Variants in RBSN observed in about 807,000 individuals in gnomAD.
RBSN encodes rabenosyn, RAB effector, also known as rabenosyn-5.
In RBSN, 34 loss-of-function variants were observed where a neutral mutation model predicts 60.5. The ratio of observed to expected loss-of-function variants is 0.56; its 90% confidence interval spans 0.43 to 0.75. RBSN has a LOEUF of 0.75. RBSN is among the 30% of genes least tolerant of loss of function. RBSN has a pLI of 0.00. For synonymous variants in RBSN, 322 were observed against 366.9 expected (o/e 0.88, Z 1.40); for missense variants, 845 against 986.8 (o/e 0.86, Z 1.92).
chr3:15,080,237 C>A (rs1003559075), intron 10 of RBSN, among the ~76,000 whole-genome samples: 1 of 150,712 alleles, frequency 6.6e-6, no homozygotes, highest in Non-Finnish European at 1.5e-5. Flanking sequence ...GAGTGAGACT[C>A]CGTCTCGGAA....
rs954323757 is a variant in RBSN, at chr3:15,074,984, C to G, written c.1207-54G>C. 18 of 1,541,182 alleles carry G rather than the reference C, an allele frequency of 1.2e-5. No homozygotes were observed. The highest frequency in any genetic ancestry group is 1.6e-5 in the Non-Finnish European group (18 of 1,148,478). ...AACAGTCACTATGCTGGCAGCAGCC[C>G]ACACTGTCACCCACCCTCTGTTGTC... is the stretch of plus-strand genomic sequence containing the variant. On this transcript the variant is annotated intron_variant, in intron 13 of 13. Transcript: ENST00000253699. The surrounding 1 kb of genome is among the most constrained non-coding windows in gnomAD (Gnocchi z 6.4).
At chr3:15,080,524 T>C (rs573140364) in intron 10 of RBSN, among the ~76,000 whole-genome samples, 4 of 152,206 alleles carry the variant, frequency 2.6e-5, no homozygotes, top group Admixed American at 2.6e-4. Flanking sequence ...TACAAGCTCA[T>C]GTGATGGTAG....
rs779552046 is a variant in RBSN at position 15,073,638 on chromosome 3, A to G, written c.*144T>C. The G allele has an allele frequency of 1.1e-4, 91 of 800,876 alleles. No individual in the cohort carries two copies. The highest frequency in any genetic ancestry group is 1.6e-4 in the Non-Finnish European group (85 of 518,108). 49.6% of individuals were successfully genotyped at this position (800,876 alleles called of 1,614,324 possible). A position where few individuals can be genotyped will look rare whatever the true frequency, so the allele number is the denominator to read the frequency against. ...GTGGAAATACCTCAAAGTGCGCAAC[A>G]CAAAACAGCAGATTCCTGCCCCTCA... On this transcript the variant is annotated 3_prime_UTR_variant, in exon 14 of 14. Coordinates refer to ENST00000253699, the MANE Select transcript of RBSN (RefSeq NM_022340.4).
intron 6 of RBSN, 59 bp downstream of exon 6, chr3:15,085,801 TA>T (rs1227763058): frequency 7.3e-7 from 1 of 1,372,844 alleles, no homozygotes; most frequent in Non-Finnish European, 1.0e-6. Context: ...GAAATGTGAT[TA>T]TTTTTCCCCA....
Position 15,090,401 on chromosome 3 carries a change from A to G in RBSN, c.287T>C (p.Leu96Pro). ...AATGAATAAATGAATTTTCTTACCAAGCTCCTGGGGTTCCCACATGTAAGG... is the reference window on the plus strand; with the variant it reads ...AATGAATAAATGAATTTTCTTACCAGGCTCCTGGGGTTCCCACATGTAAGG... ...VDPYMWEPQE[L>P]GAVRSHLSDF... The change falls in exon 5 of 14, where the codon CTT (leucine) becomes CCT (proline). Residue 96 changes from leucine to proline, a missense_variant and splice_region_variant. Transcript: ENST00000253699. 6.2e-7 allele frequency: 1 copy of G among 1,611,734 alleles called. No homozygotes were observed. Among genetic ancestry groups the G allele is most frequent in the Non-Finnish European group, 8.5e-7 (1 of 1,179,354 alleles).
In RBSN at chr3:15,074,957, G is replaced by T. The variant is rs113977296; in HGVS notation, c.1207-27C>A. 6.3e-7 allele frequency: 1 copy of T among 1,578,772 alleles called. No homozygotes were observed. Among genetic ancestry groups the T allele is most frequent in the Non-Finnish European group, 8.6e-7 (1 of 1,165,168 alleles). ...TGGGGAGAGAGCAAAGCAGAGAGAA[G>T]AAACAGTCACTATGCTGGCAGCAGC... is the stretch of plus-strand genomic sequence containing the variant. On this transcript the variant is annotated intron_variant, in intron 13 of 13. Coordinates refer to ENST00000253699, the MANE Select transcript of RBSN (RefSeq NM_022340.4). This position sits in a 1 kb window ranked among gnomAD's most constrained non-coding sequence, Gnocchi z 6.4.
In RBSN at chr3:15,074,511, C is replaced by T. The variant is rs766862827; in HGVS notation, c.1626G>A (p.Leu542=). 2.8e-5 allele frequency: 45 copies of T among 1,614,178 alleles called. No individual in the cohort carries two copies. The highest frequency in any genetic ancestry group is 3.7e-5 in the Non-Finnish European group (44 of 1,180,022). Residue 542 remains leucine (L), a synonymous_variant, in exon 14 of 14, where the codon CTG becomes CTA. Transcript: ENST00000253699. This position sits in a 1 kb window ranked among gnomAD's most constrained non-coding sequence, Gnocchi z 6.4. ...REREQFRVAS[L]HTRTRSLDFR... is the part of the protein sequence containing the mutation. Reference sequence around the variant, plus strand: ...AGTCCAGGGACCGAGTCCGTGTGTGCAGGGATGCCACCCGAAACTGCTCCC... The same window carrying T: ...AGTCCAGGGACCGAGTCCGTGTGTGTAGGGATGCCACCCGAAACTGCTCCC...
intron 4 of RBSN, chr3:15,091,621 CAAT>C: frequency 1.8e-6 from 1 of 553,344 alleles, no homozygotes; most frequent in East Asian, 9.5e-5. Context: ...TTCATGCTTA[CAAT>C]GTTATAAGGC....
chr3:15,091,925 C>G lies in RBSN; in HGVS notation c.149-1386G>C, dbSNP rs1285155621. 5.3e-5 allele frequency among the ~76,000 whole-genome samples: 8 copies of G among 152,210 alleles called. No homozygotes were observed. The East Asian group carries it at 1.5e-3, about 29-fold the overall frequency. On this transcript the variant is annotated intron_variant, in intron 4 of 13. Transcript: ENST00000253699. ...TCTAAGACGCTCTCTCATGAATGTT[C>G]TTTAATCTTGGATGACTGCTATCCC... is the stretch of plus-strand genomic sequence containing the variant.
chr3:15,079,820 G>T (rs1306947560), intron 10 of RBSN, among the ~76,000 whole-genome samples: 3 of 152,208 alleles, frequency 2.0e-5, no homozygotes, highest in Non-Finnish European at 4.4e-5. Context: ...TCCTACTGGG[G>T]TGATAAAAAT....
chr3:15,087,679 C>T (rs562688469), intron 5 of RBSN, among the ~76,000 whole-genome samples: 3 of 152,020 alleles, frequency 2.0e-5, no homozygotes, highest in Non-Finnish European at 4.4e-5. Flanking sequence ...AATGCAGTGG[C>T]GAAATCTCCA....
At chr3:15,076,185 C>G (rs2043049541) in intron 12 of RBSN, among the ~76,000 whole-genome samples, 2 of 152,108 alleles carry the variant, frequency 1.3e-5, no homozygotes, top group Non-Finnish European at 2.9e-5. Context: ...TAAAACACTA[C>G]CTGGTACATA....
intron 5 of RBSN, 135 bp downstream of exon 5, chr3:15,090,264 C>CAAGGGCAT (rs1299119895): frequency 1.1e-6 from 1 of 941,454 alleles, no homozygotes; most frequent in East Asian, 2.6e-5. Context: ...CTTCCCCCAG[C>CAAGGGCAT]AAGGGCATAA....
chr3:15,074,929 GC>G lies in RBSN; in HGVS notation c.1207del (p.Ala403LeufsTer35). The G allele has an allele frequency of 6.2e-7, 1 of 1,606,184 alleles. No individual in the cohort carries two copies. Among genetic ancestry groups the G allele is most frequent in the Non-Finnish European group, 8.5e-7 (1 of 1,177,006 alleles). On this transcript the variant is annotated frameshift_variant and splice_region_variant, in exon 14 of 14. Transcript: ENST00000253699. LOFTEE classifies it low-confidence loss of function (END_TRUNC). The surrounding 1 kb of genome is among the most constrained non-coding windows in gnomAD (Gnocchi z 6.4). ...AAGCCTTCGCTGGGACTCCAGGGCA[GC>G]CTGGGGAGAGAGCAAAGCAGAGAGA... ...MERKRAVERQ[A>X]ALESQRRLEE...
At chr3:15,095,126 T>C (rs919444375) in intron 4 of RBSN, among the ~76,000 whole-genome samples, 1 of 152,026 alleles carries the variant, frequency 6.6e-6, no homozygotes, top group African/African-American at 2.4e-5. Context: ...GTGATCCTCC[T>C]ACCTCAGTCT....
At chr3:15,085,995 T>C (rs747308679) in intron 5 of RBSN, 34 bp from the exon 6 acceptor site, 1 of 1,564,414 alleles carries the variant, frequency 6.4e-7, no homozygotes, top group Non-Finnish European at 8.7e-7. Flanking sequence ...ACAAATGACT[T>C]ATAGTTTCTC....
intron 2 of RBSN, among the ~76,000 whole-genome samples, chr3:15,097,892 A>G (rs2043706285): frequency 6.6e-6 from 1 of 152,132 alleles, no homozygotes. Flanking sequence ...TAAGAAACCC[A>G]GTGACTTCAT....
intron 9 of RBSN, chr3:15,081,487 G>C (rs949751263): frequency 6.6e-6 from 1 of 152,356 alleles, no homozygotes; most frequent in Non-Finnish European, 1.5e-5. Context: ...GAGATACCAG[G>C]TCGTGAACTC....
chr3:15,075,272 G>T, intron 13 of RBSN: 1 of 596,078 alleles, frequency 1.7e-6, no homozygotes, highest in Non-Finnish European at 3.1e-6. Flanking sequence ...ATAATTTTCT[G>T]TTTAATATTG....
Sources: allele counts gnomAD v4.1 joint callset (sites outside exome capture counted in the v4.1 genomes callset), GRCh38; gene constraint gnomAD v4.1.1; non-coding constraint Gnocchi (gnomAD v3.1); transcripts MANE v1.5; gene names NCBI Gene and HGNC (gene_info 2026-07-23, HGNC 2026-07-21).